The following ABHD16A variants were observed in gnomAD, a reference collection of about 807,000 sequenced individuals.
The protein encoded by ABHD16A is phosphatidylserine lipase ABHD16A.
ABHD16A carries 47 observed loss-of-function variants against 89.8 expected under a neutral mutation model. That is an observed-to-expected ratio of 0.52 (90% CI 0.41 to 0.67). The LOEUF is 0.67. ABHD16A is among the 30% of genes least tolerant of loss of function. The pLI is 0.00. For synonymous variants in ABHD16A, 251 were observed against 280.4 expected, an observed-to-expected ratio of 0.90 and a Z score of 1.05; for missense variants, 580 against 734.6, an observed-to-expected ratio of 0.79 and a Z score of 2.43.
At chr6:31,696,351 G>T (rs1409552607) in intron 5 of ABHD16A, among the ~76,000 whole-genome samples, 1 of 150,912 alleles carries the variant, frequency 6.6e-6, no homozygotes, top group Non-Finnish European at 1.5e-5. Context: ...AAAAAAAAGA[G>T]GCCAGGAGTG....
chr6:31,694,604 G>A (rs561567758), intron 5 of ABHD16A, among the ~76,000 whole-genome samples: 4 of 152,058 alleles, frequency 2.6e-5, no homozygotes, highest in Admixed American at 2.6e-4. Context: ...TGTTAGCCAG[G>A]ATGGTCTTGA....
At chr6:31,701,771 T>G (rs938465092) in intron 2 of ABHD16A, among the ~76,000 whole-genome samples, 2 of 152,154 alleles carry the variant, frequency 1.3e-5, no homozygotes, top group Non-Finnish European at 2.9e-5. Flanking sequence ...AAGAGGTTAG[T>G]TGCCAGGGAG....
Position 31,687,933 on chromosome 6 carries a change from GA to G in ABHD16A, c.1371-34del. The G allele has an allele frequency of 6.2e-7, 1 of 1,612,568 alleles. No homozygotes were observed. ...GGAAGTGCCAGGACAGGTCAGGGCT[GA>G]TTTTTTTTCATTCACCATCCCTGAA... On this transcript the variant is annotated intron_variant, in intron 16 of 19. Coordinates refer to ENST00000395952, the MANE Select transcript of ABHD16A (RefSeq NM_021160.3). This position sits in a 1 kb window ranked among gnomAD's most constrained non-coding sequence, Gnocchi z 6.3.
At chr6:31,691,306 C>CAT in intron 9 of ABHD16A, 2 of 419,782 alleles carry the variant, frequency 4.8e-6, no homozygotes, top group Middle Eastern at 6.4e-4. Context: ...ATATATGCTT[C>CAT]ATATATATAT....
rs567965760 is a variant in ABHD16A at position 31,691,937 on chromosome 6, A to C, written c.627-19T>G. The C allele has an allele frequency of 1.3e-6, 2 of 1,576,148 alleles. No individual in the cohort carries two copies. Among genetic ancestry groups the C allele is most frequent in the Non-Finnish European group, 1.7e-6 (2 of 1,159,532 alleles). ...CAGGTAGCTGTGGGGAACACAGGTT[A>C]ACAAACCCCAACCCTGTTGAGGCCT... On this transcript the variant is annotated intron_variant, in intron 7 of 19. Coordinates refer to ENST00000395952, the MANE Select transcript of ABHD16A (RefSeq NM_021160.3).
intron 9 of ABHD16A, 190 bp downstream of exon 9, chr6:31,691,389 C>T (rs1803862400): frequency 3.5e-6 from 2 of 571,614 alleles, no homozygotes; most frequent in African/African-American, 1.9e-5. Context: ...CGTCCTTGAA[C>T]GTCTCTCCTA....
rs565029243 is a variant in ABHD16A, at chr6:31,688,682, G to T, written c.1250+41C>A. 6.2e-7 allele frequency: 1 copy of T among 1,607,860 alleles called. No individual in the cohort carries two copies. Among genetic ancestry groups the T allele is most frequent in the Non-Finnish European group, 8.5e-7 (1 of 1,176,012 alleles). ...GTTTGAGCGCCCAGCAGAGCTGTAT[G>T]GGGGGCAGGTGTTCAATGCCGGACG... On this transcript the variant is annotated intron_variant, in intron 14 of 19. Transcript: ENST00000395952. The surrounding 1 kb of genome is among the most constrained non-coding windows in gnomAD (Gnocchi z 4.9).
intron 7 of ABHD16A, 120 bp from the exon 8 acceptor site, chr6:31,692,038 C>A: frequency 1.4e-6 from 1 of 734,556 alleles, no homozygotes. Context: ...ACCTTCACAG[C>A]TTTACTTTCC....
rs907150742 is a variant in ABHD16A, at chr6:31,687,380, G to A, written c.1594-85C>T. On this transcript the variant is annotated intron_variant, in intron 19 of 19. Transcript: ENST00000395952. This position sits in a 1 kb window ranked among gnomAD's most constrained non-coding sequence, Gnocchi z 6.3. ...GACTCCCTCCCCACCCTCCACTTCC[G>A]CATCCACCACCCACTCTACAAAAGC... is the stretch of plus-strand genomic sequence containing the variant. 109 of 1,593,016 alleles carry A rather than the reference G, an allele frequency of 6.8e-5. No individual in the cohort carries two copies. Among genetic ancestry groups the A allele is most frequent in the Non-Finnish European group, 9.0e-5 (105 of 1,162,532 alleles).
In ABHD16A at chr6:31,696,841, T is replaced by C. The variant is rs532600991; in HGVS notation, c.429+107A>G. The C allele has an allele frequency of 2.2e-4, 246 of 1,128,750 alleles. 1 individual carries two copies. In the African/African-American group the frequency reaches 3.6e-3, roughly 16 times the overall value. The allele number at this position is 1,128,750 out of a possible 1,614,324, so 69.9% of individuals were successfully genotyped here. A position where few individuals can be genotyped will look rare whatever the true frequency, so the allele number is the denominator to read the frequency against. On this transcript the variant is annotated intron_variant, in intron 5 of 19. Transcript: ENST00000395952. ...AGCAAACACCCAGTGTGGTGGGTGGTAAAACACACCTCCTCTTCCTGCAGA... is the reference window on the plus strand; with the variant it reads ...AGCAAACACCCAGTGTGGTGGGTGGCAAAACACACCTCCTCTTCCTGCAGA...
At position 31,687,252 on chromosome 6, in the gene ABHD16A, G is replaced by A. The variant is rs1803382094; in HGVS notation, c.1637C>T (p.Pro546Leu). 6.2e-7 allele frequency: 1 copy of A among 1,612,846 alleles called. No homozygotes were observed. The highest frequency in any genetic ancestry group is 1.3e-5 in the African/African-American group (1 of 74,904). Residue 546 changes from proline (P) to leucine (L), a missense_variant, in exon 20 of 20, where the codon CCA (proline) becomes CTA (leucine). Transcript: ENST00000395952. The surrounding 1 kb of genome is among the most constrained non-coding windows in gnomAD (Gnocchi z 6.3). ...LHNFEATHCTPLPAQNFQMPW... is the reference protein window; with the variant it reads ...LHNFEATHCTLLPAQNFQMPW... ...CATCTGGAAGTTCTGGGCTGGGAGT[G>A]GGGTGCAGTGAGTGGCCTCAAAGTT...
rs1046384280 is a variant in ABHD16A, at chr6:31,698,629, G to T, written c.344-1596C>A. Among the ~76,000 whole-genome samples, 3 of 152,002 alleles carry T rather than the reference G, an allele frequency of 2.0e-5. No individual in the cohort carries two copies. The highest frequency in any genetic ancestry group is 4.4e-5 in the Non-Finnish European group (3 of 68,020). The stretch of plus-strand genomic sequence containing the variant: ...GCCTCCCAAATAGCTGGGATTACAA[G>T]CGCCCGCCACCATGCACAGCTAATT... On this transcript the variant is annotated intron_variant, in intron 4 of 19. Transcript: ENST00000395952. This position sits in a 1 kb window ranked among gnomAD's most constrained non-coding sequence, Gnocchi z 4.1.
chr6:31,701,401 AGG>A, intron 2 of ABHD16A, 61 bp from the exon 3 acceptor site: 1 of 1,401,214 alleles, frequency 7.1e-7, no homozygotes, highest in Non-Finnish European at 1.0e-6. Context: ...CTGCCATTCC[AGG>A]CATATACTAT....
chr6:31,702,047 G>A (rs1327303363), intron 2 of ABHD16A, 27 bp downstream of exon 2: 3 of 1,612,782 alleles, frequency 1.9e-6, no homozygotes, highest in Non-Finnish European at 2.5e-6. Context: ...GAAAGATGCA[G>A]AGTCCCAGAT....
intron 1 of ABHD16A, chr6:31,702,779 TGAA>T (rs1323776042): frequency 5.4e-6 from 8 of 1,472,586 alleles, no homozygotes; most frequent in East Asian, 5.2e-5. Flanking sequence ...GAAGAGGCAC[TGAA>T]GAAGAGGAAA....
intron 1 of ABHD16A, among the ~76,000 whole-genome samples, chr6:31,702,357 G>T (rs1368852331): frequency 6.6e-6 from 1 of 152,212 alleles, no homozygotes; most frequent in Non-Finnish European, 1.5e-5. Flanking sequence ...AAGCAAAAGT[G>T]AAAGCAGCAT....
chr6:31,693,281 T>A lies in ABHD16A; in HGVS notation c.503+78A>T. 1 of 1,592,888 alleles carries A rather than the reference T, an allele frequency of 6.3e-7. No homozygotes were observed. On this transcript the variant is annotated intron_variant, in intron 6 of 19. Transcript: ENST00000395952. This position sits in a 1 kb window ranked among gnomAD's most constrained non-coding sequence, Gnocchi z 5.0. ...GCAGGCACTGTGACCTGAGAGGGCA[T>A]GGAGGTGGGAGGGCAGAGCAGAGAT...
At chr6:31,696,038 C>T (rs1804357675) in intron 5 of ABHD16A, among the ~76,000 whole-genome samples, 1 of 151,972 alleles carries the variant, frequency 6.6e-6, no homozygotes, top group South Asian at 2.1e-4. Flanking sequence ...GTGGCAGGCG[C>T]CTGTAGTCCC....
chr6:31,696,406 G>A (rs1265649823), intron 5 of ABHD16A, among the ~76,000 whole-genome samples: 1 of 151,734 alleles, frequency 6.6e-6, no homozygotes, highest in Non-Finnish European at 1.5e-5. Flanking sequence ...GCTGGGGCAG[G>A]CAGATCGCCT....
Sources: allele counts gnomAD v4.1 joint callset (sites outside exome capture counted in the v4.1 genomes callset), GRCh38; gene constraint gnomAD v4.1.1; non-coding constraint Gnocchi (gnomAD v3.1); transcripts MANE v1.5; gene names NCBI Gene and HGNC (gene_info 2026-07-23, HGNC 2026-07-21).